The following CNTN5 variants were observed in gnomAD, a reference collection of about 807,000 sequenced individuals.
CNTN5 encodes contactin-5.
A neutral mutation model predicts 129.1 loss-of-function variants in CNTN5; 77 were observed. That is an observed-to-expected ratio of 0.60 (90% confidence interval 0.50 to 0.72). The LOEUF is 0.72. Ranked by LOEUF, CNTN5 falls within the 30% of genes least tolerant of loss-of-function variation. CNTN5 has a pLI of 0.00. For missense variants in CNTN5, 1,478 were observed against 1,328.8 expected (o/e 1.11, Z -1.75); for synonymous variants, 509 against 465.6 (o/e 1.09, Z -1.20).
At chr11:99,445,591 T>G (rs564029346) in intron 2 of CNTN5, among the ~76,000 whole-genome samples, 1 of 152,328 alleles carries the variant, frequency 6.6e-6, no homozygotes, top group South Asian at 2.1e-4. Context: ...TTTTCTTGCA[T>G]TCTTTACATT....
intron 7 of CNTN5, among the ~76,000 whole-genome samples, chr11:99,918,487 ATG>A (rs1454944488): frequency 1.3e-5 from 2 of 152,142 alleles, no homozygotes; most frequent in Non-Finnish European, 2.9e-5. Context: ...CAAATGTTTT[ATG>A]TGTCTTCCCC....
chr11:99,471,646 T>TC (rs1450519220), intron 2 of CNTN5, among the ~76,000 whole-genome samples: 3 of 151,960 alleles, frequency 2.0e-5, no homozygotes, highest in Admixed American at 2.0e-4. Context: ...GTTTTTTTTT[T>TC]CCTGAGGATT....
chr11:99,819,854 C>G, intron 4 of CNTN5, 89 bp downstream of exon 4: 1 of 500,122 alleles, frequency 2.0e-6, no homozygotes, highest in Non-Finnish European at 3.0e-6. Flanking sequence ...CAAGACTATT[C>G]CAGTAGGAGA....
At chr11:100,105,062 C>T (rs1007895880) in intron 13 of CNTN5, among the ~76,000 whole-genome samples, 7 of 151,490 alleles carry the variant, frequency 4.6e-5, no homozygotes, top group Admixed American at 6.6e-5. Flanking sequence ...ATATATCCTC[C>T]GCATCGCAAT....
intron 2 of CNTN5, among the ~76,000 whole-genome samples, chr11:99,540,596 A>C (rs1948068102): frequency 6.6e-6 from 1 of 152,206 alleles, no homozygotes; most frequent in Non-Finnish European, 1.5e-5. Flanking sequence ...TTTCAAAGGC[A>C]TGAGACTTAA....
chr11:100,337,952 T>G (rs1952069541), intron 21 of CNTN5, among the ~76,000 whole-genome samples: 1 of 152,142 alleles, frequency 6.6e-6, no homozygotes, highest in Admixed American at 6.6e-5. Flanking sequence ...CCAAAGAAAG[T>G]CCCATAAGTC....
At chr11:99,260,963 T>A (rs1473830005) in intron 1 of CNTN5, among the ~76,000 whole-genome samples, 2 of 151,948 alleles carry the variant, frequency 1.3e-5, no homozygotes, top group African/African-American at 2.4e-5. Flanking sequence ...ATTGCATAGC[T>A]ACTTGGAGCT....
chr11:100,048,707 A>G (rs934271440), intron 9 of CNTN5, among the ~76,000 whole-genome samples: 1 of 152,048 alleles, frequency 6.6e-6, no homozygotes. Flanking sequence ...GTATTGCTTT[A>G]TGGAACAATT....
At chr11:99,254,182 G>A (rs1053561273) in intron 1 of CNTN5, among the ~76,000 whole-genome samples, 6 of 151,702 alleles carry the variant, frequency 4.0e-5, no homozygotes, top group African/African-American at 7.3e-5. Flanking sequence ...GTGGTTGAAC[G>A]TTACTTAATG....
intron 4 of CNTN5, among the ~76,000 whole-genome samples, chr11:99,836,215 A>T (rs1170356025): frequency 1.3e-5 from 2 of 150,488 alleles, no homozygotes; most frequent in African/African-American, 4.9e-5. Flanking sequence ...ACATATGTAT[A>T]CATGTGCCAT....
At chr11:99,349,721 A>C (rs1938157702) in intron 2 of CNTN5, among the ~76,000 whole-genome samples, 1 of 152,122 alleles carries the variant, frequency 6.6e-6, no homozygotes, top group Admixed American at 6.5e-5. Flanking sequence ...TAACTGGAAA[A>C]CTTGTGATAA....
At chr11:99,172,705 G>T (rs181029555) in intron 1 of CNTN5, among the ~76,000 whole-genome samples, 1 of 152,108 alleles carries the variant, frequency 6.6e-6, no homozygotes, top group Non-Finnish European at 1.5e-5. Flanking sequence ...CAAATATTCC[G>T]AATGAAAGAA....
intron 3 of CNTN5, among the ~76,000 whole-genome samples, chr11:99,755,114 A>G (rs1464870471): frequency 6.6e-6 from 1 of 152,180 alleles, no homozygotes; most frequent in Non-Finnish European, 1.5e-5. Context: ...CATTATCTGG[A>G]TATGCCTCAC....
At chr11:99,850,452 A>T (rs1399264305) in intron 6 of CNTN5, among the ~76,000 whole-genome samples, 1 of 152,136 alleles carries the variant, frequency 6.6e-6, no homozygotes, top group Non-Finnish European at 1.5e-5. Context: ...TATATATAGC[A>T]TTTGGAAAAA....
chr11:100,095,810 C>A (rs533513827), intron 13 of CNTN5, among the ~76,000 whole-genome samples: 2 of 152,174 alleles, frequency 1.3e-5, no homozygotes, highest in South Asian at 2.1e-4. Flanking sequence ...TTTATCTACA[C>A]GTGTGCCTTC....
At chr11:99,107,938 TAAAAA>T (rs55786739) in intron 1 of CNTN5, among the ~76,000 whole-genome samples, 35 of 103,494 alleles carry the variant, frequency 3.4e-4, no homozygotes, top group Non-Finnish European at 6.3e-4. Flanking sequence ...CTCAAAAAAG[TAAAAA>T]AAAAAAAAAA....
intron 3 of CNTN5, among the ~76,000 whole-genome samples, chr11:99,668,206 T>C (rs554532095): frequency 7.9e-5 from 12 of 152,226 alleles, no homozygotes; most frequent in African/African-American, 2.6e-4. Flanking sequence ...AAGGGACTGC[T>C]AGTAGGACAC....
intron 1 of CNTN5, among the ~76,000 whole-genome samples, chr11:99,248,946 C>G (rs568793367): frequency 3.1e-4 from 47 of 152,006 alleles, no homozygotes; most frequent in African/African-American, 4.3e-4. Context: ...TTGGCAATGT[C>G]GGCTCTTTTT....
At chr11:99,462,334 T>TTTTTTTTC (rs1383127190) in intron 2 of CNTN5, among the ~76,000 whole-genome samples, 1 of 144,818 alleles carries the variant, frequency 6.9e-6, no homozygotes, top group African/African-American at 2.5e-5. Flanking sequence ...TTTTTCTTTC[T>TTTTTTTTC]TTTTTTTCTT....
Sources: allele counts gnomAD v4.1 joint callset (sites outside exome capture counted in the v4.1 genomes callset), GRCh38; gene constraint gnomAD v4.1.1; transcripts MANE v1.5; gene names NCBI Gene and HGNC (gene_info 2026-07-23, HGNC 2026-07-21).